Variants in RARB observed in about 807,000 individuals in gnomAD.
The protein encoded by RARB is HBV-activated protein.
Under a neutral mutation model 51.9 loss-of-function variants are expected in RARB, and 17 were observed. The ratio of observed to expected loss-of-function variants is 0.33; its 90% confidence interval spans 0.22 to 0.49. RARB has a LOEUF of 0.49. Among genes scored for constraint, RARB ranks in the 20% least tolerant of loss-of-function variants. The pLI is 0.99. For synonymous variants in RARB, 215 were observed against 195.4 expected (o/e 1.10, Z -0.84); for missense variants, 369 against 550.8 (o/e 0.67, Z 3.30).
intron 5 of RARB, among the ~76,000 whole-genome samples, chr3:25,338,893 A>G (rs1329164138): frequency 6.6e-6 from 1 of 152,164 alleles, no homozygotes; most frequent in African/African-American, 2.4e-5. Context: ...CTCAAAGGTT[A>G]GCACTTGGCA....
At chr3:25,429,495 G>A (rs972282639) in intron 1 of RARB, among the ~76,000 whole-genome samples, 4 of 152,174 alleles carry the variant, frequency 2.6e-5, no homozygotes, top group Non-Finnish European at 5.9e-5. Context: ...TGACCCTGCT[G>A]CCACCTTTCC....
chr3:24,953,918 G>A (rs1415776531), intron 2 of RARB, among the ~76,000 whole-genome samples: 1 of 152,156 alleles, frequency 6.6e-6, no homozygotes, highest in Admixed American at 6.5e-5. Flanking sequence ...AGGACCACTA[G>A]GGTTTCTTTA....
intron 2 of RARB, among the ~76,000 whole-genome samples, chr3:24,860,626 GA>G (rs547281181): frequency 1.3e-5 from 2 of 151,650 alleles, no homozygotes; most frequent in African/African-American, 4.9e-5. Context: ...GCTGATTGAA[GA>G]AAAAAACCCT....
chr3:25,215,441 A>G (rs1166770830), intron 5 of RARB, among the ~76,000 whole-genome samples: 1 of 152,196 alleles, frequency 6.6e-6, no homozygotes, highest in Non-Finnish European at 1.5e-5. Context: ...TGACATGTCC[A>G]TCCACAGTAC....
At chr3:25,506,269 A>AC in intron 3 of RARB, among the ~76,000 whole-genome samples, 1 of 151,396 alleles carries the variant, frequency 6.6e-6, no homozygotes, top group East Asian at 2.0e-4. Flanking sequence ...AAAAAAAAAA[A>AC]AAAAAAACCA....
chr3:25,095,073 A>T (rs533281028), intron 3 of RARB, among the ~76,000 whole-genome samples: 9 of 152,214 alleles, frequency 5.9e-5, no homozygotes, highest in South Asian at 4.2e-4. Flanking sequence ...TGGTCCAGTG[A>T]TTTTTTTCCC....
intron 2 of RARB, among the ~76,000 whole-genome samples, chr3:24,999,102 T>A (rs1697104291): frequency 6.6e-6 from 1 of 152,194 alleles, no homozygotes; most frequent in Non-Finnish European, 1.5e-5. Flanking sequence ...GACATTAAGC[T>A]TCTTCAGGCT....
At chr3:25,548,287 T>G (rs1011776946) in intron 3 of RARB, among the ~76,000 whole-genome samples, 7 of 152,178 alleles carry the variant, frequency 4.6e-5, no homozygotes, top group African/African-American at 1.7e-4. Flanking sequence ...TCCAGATTGA[T>G]TTTTATTACA....
chr3:25,361,225 A>G (rs1705923178), intron 5 of RARB, among the ~76,000 whole-genome samples: 1 of 152,122 alleles, frequency 6.6e-6, no homozygotes, highest in Admixed American at 6.6e-5. Context: ...TATTTCATTA[A>G]GTTGATCTTC....
At chr3:25,265,469 A>G (rs1703103402) in intron 5 of RARB, among the ~76,000 whole-genome samples, 1 of 152,070 alleles carries the variant, frequency 6.6e-6, no homozygotes, top group Non-Finnish European at 1.5e-5. Context: ...CTTAAACCAC[A>G]TATTTTTGTT....
At chr3:25,092,488 T>C (rs1390112622) in intron 3 of RARB, among the ~76,000 whole-genome samples, 1 of 152,158 alleles carries the variant, frequency 6.6e-6, no homozygotes, top group East Asian at 1.9e-4. Context: ...CTCTTATTTT[T>C]ACTATTGTTC....
intron 5 of RARB, among the ~76,000 whole-genome samples, chr3:25,354,570 T>G (rs1705674988): frequency 6.6e-6 from 1 of 152,190 alleles, no homozygotes; most frequent in African/African-American, 2.4e-5. Flanking sequence ...GAGTTGTTAT[T>G]CTTCCTCATA....
intron 3 of RARB, among the ~76,000 whole-genome samples, chr3:25,087,656 T>C (rs2125315543): frequency 6.6e-6 from 1 of 152,264 alleles, no homozygotes; most frequent in Admixed American, 6.5e-5. Context: ...AGTGTTATAA[T>C]AGTAATGGAG....
chr3:25,492,788 G>A (rs1371945348), intron 2 of RARB, among the ~76,000 whole-genome samples: 1 of 152,096 alleles, frequency 6.6e-6, no homozygotes, highest in African/African-American at 2.4e-5. Flanking sequence ...TGCCGAGGAA[G>A]CTTCTAGACC....
At chr3:24,949,063 T>C (rs1304014800) in intron 2 of RARB, among the ~76,000 whole-genome samples, 1 of 152,240 alleles carries the variant, frequency 6.6e-6, no homozygotes, top group Non-Finnish European at 1.5e-5. Context: ...ATTCTGTTCC[T>C]GCTGAAAGAC....
chr3:25,161,464 T>C (rs1288271814), intron 4 of RARB, among the ~76,000 whole-genome samples: 1 of 152,158 alleles, frequency 6.6e-6, no homozygotes, highest in Non-Finnish European at 1.5e-5. Context: ...CTGTCTACCA[T>C]TGCTGGCTCT....
intron 5 of RARB, among the ~76,000 whole-genome samples, chr3:25,192,552 T>C (rs976443221): frequency 6.6e-6 from 1 of 152,138 alleles, no homozygotes. Context: ...TCTTTACTCA[T>C]CGTGTTTTCC....
rs569784369 is a variant in RARB at position 25,590,043 on chromosome 3, G to T, written c.787-3460G>T. On this transcript the variant is annotated intron_variant, in intron 5 of 7. Transcript: ENST00000330688. ...ATGGGGGCCATCCTGTTTCAGGCTG[G>T]GGCCGGGGCAGGGAAGGGAGGCTCC... 2.6e-5 allele frequency among the ~76,000 whole-genome samples: 4 copies of T among 152,322 alleles called. No individual in the cohort carries two copies. In the South Asian group the frequency reaches 8.3e-4, roughly 32 times the overall value.
chr3:25,174,489 C>T (rs1168057812), exon 5 of RARB: 1 of 1,352,038 alleles, frequency 7.4e-7, no homozygotes, highest in Non-Finnish European at 9.8e-7. Context: ...CTCTTTCCAC[C>T]TGTCATCGGA....
Sources: gnomAD v4.1 joint callset for allele counts (sites outside exome capture counted in the v4.1 genomes callset) on GRCh38, gnomAD v4.1.1 for gene constraint, MANE v1.5 for transcripts, NCBI Gene and HGNC (gene_info 2026-07-23, HGNC 2026-07-21) for gene names.